Variants in TMEM163 observed in about 807,000 individuals in gnomAD.
The protein encoded by TMEM163 is transmembrane protein 163.
In TMEM163, 17 loss-of-function variants were observed where a neutral mutation model predicts 29.3. The ratio of observed to expected loss-of-function variants is 0.58; its 90% CI spans 0.40 to 0.87. The LOEUF is 0.87. Ranked by LOEUF, TMEM163 falls within the 40% of genes least tolerant of loss-of-function variation. The pLI, the probability that TMEM163 is intolerant of heterozygous loss-of-function variation, is 0.00. For missense variants in TMEM163, 303 were observed against 381.5 expected, an observed-to-expected ratio of 0.79 and a Z score of 1.71; for synonymous variants, 157 against 160.6, an observed-to-expected ratio of 0.98 and a Z score of 0.17.
chr2:134,648,348 T>TTCTCTTCTCTTCTCTTCTCTTC (rs1558977053), intron 2 of TMEM163, among the ~76,000 whole-genome samples: 11 of 151,908 alleles, frequency 7.2e-5, no homozygotes, highest in Admixed American at 2.0e-4. Context: ...TTCTCTTCTC[T>TTCTCTTCTCTTCTCTTCTCTTC]GCTGTGTGGA....
At chr2:134,542,153 C>T (rs529035181) in intron 4 of TMEM163, among the ~76,000 whole-genome samples, 42 of 152,148 alleles carry the variant, frequency 2.8e-4, no homozygotes, top group African/African-American at 7.5e-4. Context: ...AAACAAAACG[C>T]GAAGGTAGAC....
chr2:134,598,630 C>T (rs1682146948), intron 2 of TMEM163, among the ~76,000 whole-genome samples: 1 of 152,076 alleles, frequency 6.6e-6, no homozygotes, highest in Non-Finnish European at 1.5e-5. Context: ...GAAAGCGTTG[C>T]AGGCTGGGCG....
In TMEM163 at chr2:134,718,968, G is replaced by T. The variant is rs998255746; in HGVS notation, c.-33C>A. The T allele has an allele frequency of 2.0e-6, 2 of 1,020,544 alleles. No homozygotes were observed. Among genetic ancestry groups the T allele is most frequent in the Non-Finnish European group, 2.3e-6 (2 of 854,402 alleles). The allele number at this position is 1,020,544 out of a possible 1,614,324, so 63.2% of individuals were successfully genotyped here. ...GGCTGCGGATCCCGGCGGCGGCGAC[G>T]ACAAGCGCGGCGGGGACTCGAGTCA... is the stretch of plus-strand genomic sequence containing the variant. On this transcript the variant is annotated 5_prime_UTR_variant, in exon 1 of 8. Coordinates refer to ENST00000281924, the MANE Select transcript of TMEM163 (RefSeq NM_030923.5).
At chr2:134,473,868 A>G (rs1317754660) in intron 5 of TMEM163, among the ~76,000 whole-genome samples, 2 of 152,258 alleles carry the variant, frequency 1.3e-5, no homozygotes, top group Admixed American at 1.3e-4. Context: ...TTGAAACTGT[A>G]GTGAAAATCC....
chr2:134,693,390 T>C (rs1684515353), intron 2 of TMEM163, among the ~76,000 whole-genome samples: 1 of 152,136 alleles, frequency 6.6e-6, no homozygotes, highest in Non-Finnish European at 1.5e-5. Context: ...GTGGATCACC[T>C]GAGGTCAGGA....
Position 134,621,778 on chromosome 2 carries a change from C to T in TMEM163, c.323-69687G>A, listed in dbSNP as rs375470287. Among the ~76,000 whole-genome samples, 19 of 152,180 alleles carry T rather than the reference C, an allele frequency of 1.2e-4. No individual in the cohort carries two copies. In the East Asian group the frequency reaches 2.3e-3, roughly 19 times the overall value. On this transcript the variant is annotated intron_variant, in intron 2 of 7. Coordinates refer to ENST00000281924, the MANE Select transcript of TMEM163 (RefSeq NM_030923.5). The stretch of plus-strand genomic sequence containing the variant: ...TGGTGGCAGGCGCCTGTAGTCCCAG[C>T]TACTCGGGAGGCTGAGGCAGGAGAA...
chr2:134,645,995 T>A (rs1205984969), intron 2 of TMEM163, among the ~76,000 whole-genome samples: 1 of 152,204 alleles, frequency 6.6e-6, no homozygotes, highest in Non-Finnish European at 1.5e-5. Flanking sequence ...AACTTTACTC[T>A]TAATATTATG....
At chr2:134,577,492 G>A (rs1376036184) in intron 2 of TMEM163, among the ~76,000 whole-genome samples, 2 of 152,156 alleles carry the variant, frequency 1.3e-5, no homozygotes, top group East Asian at 3.9e-4. Context: ...GCAGTGAGAG[G>A]AGGAGACCAT....
chr2:134,574,757 C>G (rs945851916), intron 2 of TMEM163, among the ~76,000 whole-genome samples: 7 of 152,116 alleles, frequency 4.6e-5, no homozygotes, highest in Non-Finnish European at 1.0e-4. Context: ...TTTCATGTTT[C>G]CCAGCTGCAA....
At chr2:134,709,497 T>C (rs1684883711) in intron 2 of TMEM163, among the ~76,000 whole-genome samples, 1 of 152,186 alleles carries the variant, frequency 6.6e-6, no homozygotes, top group African/African-American at 2.4e-5. Flanking sequence ...CTATAACAAA[T>C]AACTCAGTAA....
At chr2:134,684,831 G>T (rs1015596845) in intron 2 of TMEM163, among the ~76,000 whole-genome samples, 1 of 151,274 alleles carries the variant, frequency 6.6e-6, no homozygotes, top group Admixed American at 6.6e-5. Context: ...GCTGAGGCAC[G>T]AGAATTGCTT....
chr2:134,465,189 T>TAAAAAAAAAAAAA lies in TMEM163; in HGVS notation c.667+912_667+924dup, dbSNP rs1181405890. 1.9e-3 allele frequency among the ~76,000 whole-genome samples: 225 copies of TAAAAAAAAAAAAA among 117,574 alleles called. 3 individuals are homozygous for TAAAAAAAAAAAAA. Among genetic ancestry groups the TAAAAAAAAAAAAA allele is most frequent in the African/African-American group, 8.3e-3 (222 of 26,666 alleles). 77.1% of individuals were successfully genotyped at this position (117,574 alleles called of 152,430 possible). Reference sequence around the variant, plus strand: ...CAACAACATGGTGAGTCCGCATCTTTAAAAAAAAAAAAAACAAAAACAAAA... The same window carrying TAAAAAAAAAAAAA: ...CAACAACATGGTGAGTCCGCATCTTTAAAAAAAAAAAAAAAAAAAAAAAAAAACAAAAACAAAA... On this transcript the variant is annotated intron_variant, in intron 6 of 7. Coordinates refer to ENST00000281924, the MANE Select transcript of TMEM163 (RefSeq NM_030923.5).
At chr2:134,503,670 C>T (rs1180555797) in intron 4 of TMEM163, among the ~76,000 whole-genome samples, 1 of 151,976 alleles carries the variant, frequency 6.6e-6, no homozygotes, top group African/African-American at 2.4e-5. Context: ...CTCTAAAAGG[C>T]AGAAATGAGG....
At chr2:134,510,203 C>A (rs2106490406) in intron 4 of TMEM163, among the ~76,000 whole-genome samples, 1 of 152,242 alleles carries the variant, frequency 6.6e-6, no homozygotes, top group Middle Eastern at 3.4e-3. Flanking sequence ...ACCATCGCTC[C>A]ATGATGGCAG....
intron 4 of TMEM163, among the ~76,000 whole-genome samples, chr2:134,545,414 G>A (rs1264673494): frequency 6.6e-6 from 1 of 152,184 alleles, no homozygotes; most frequent in Non-Finnish European, 1.5e-5. Context: ...TGCCTTTGCA[G>A]TAGAGGCTGC....
chr2:134,538,190 C>T (rs1680581745), intron 4 of TMEM163, among the ~76,000 whole-genome samples: 2 of 152,146 alleles, frequency 1.3e-5, no homozygotes, highest in Admixed American at 1.3e-4. Context: ...GACTAGGTCA[C>T]GGGGCCAGAG....
intron 2 of TMEM163, among the ~76,000 whole-genome samples, chr2:134,572,523 C>T (rs528204054): frequency 3.1e-4 from 47 of 152,208 alleles, no homozygotes; most frequent in Non-Finnish European, 6.2e-4. Context: ...TCATTTAAAG[C>T]TGGAGGAGTC....
rs181669662 is a variant in TMEM163 at position 134,650,512 on chromosome 2, G to T, written c.322+62688C>A. ...TGGATGCCTTCTATTTCTTTTTTTT[G>T]TTTGTTTGTTTGTTTGTTTGTTTTG... On this transcript the variant is annotated intron_variant, in intron 2 of 7. Coordinates refer to ENST00000281924, the MANE Select transcript of TMEM163 (RefSeq NM_030923.5). Among the ~76,000 whole-genome samples, 645 of 128,992 alleles carry T rather than the reference G, an allele frequency of 5.0e-3. 13 individuals are homozygous for T. In the East Asian group the frequency reaches 0.063, roughly 13 times the overall value. The allele number at this position is 128,992 out of a possible 152,430, so 84.6% of individuals were successfully genotyped here.
chr2:134,527,947 G>T (rs1312725960), intron 4 of TMEM163, among the ~76,000 whole-genome samples: 1 of 152,164 alleles, frequency 6.6e-6, no homozygotes, highest in Non-Finnish European at 1.5e-5. Context: ...TACAACCCAA[G>T]AAGAATGGTC....
Sources: allele counts gnomAD v4.1 joint callset (sites outside exome capture counted in the v4.1 genomes callset), GRCh38; gene constraint gnomAD v4.1.1; transcripts MANE v1.5; gene names NCBI Gene and HGNC (gene_info 2026-07-23, HGNC 2026-07-21).